FGF14: variants seen among roughly 807,000 people sequenced by gnomAD.
The protein encoded by FGF14 is fibroblast growth factor 14, also known as fibroblast growth factor homologous factor 4.
FGF14 carries 5 observed loss-of-function variants against 25.5 expected under a neutral mutation model. That is an observed-to-expected ratio of 0.20 (90% CI 0.10 to 0.41). The LOEUF is 0.41. Among genes scored for constraint, FGF14 ranks in the 10% least tolerant of loss-of-function variants. The pLI is 1.00. For synonymous variants in FGF14, 138 were observed against 118.3 expected, an observed-to-expected ratio of 1.17 and a Z score of -1.08; for missense variants, 222 against 320.1, an observed-to-expected ratio of 0.69 and a Z score of 2.34.
chr13:101,900,336 G>T (rs147841497), intron 1 of FGF14, among the ~76,000 whole-genome samples: 1 of 151,696 alleles, frequency 6.6e-6, no homozygotes, highest in Non-Finnish European at 1.5e-5. Flanking sequence ...AAATTAAGAA[G>T]AAATTTTAAT....
intron 1 of FGF14, among the ~76,000 whole-genome samples, chr13:101,899,824 G>A (rs1401738065): frequency 1.3e-5 from 2 of 152,004 alleles, no homozygotes. Context: ...GATATTTAAT[G>A]CAGTTTGCTT....
intron 1 of FGF14, among the ~76,000 whole-genome samples, chr13:102,306,678 A>T (rs1406766769): frequency 6.6e-6 from 1 of 152,202 alleles, no homozygotes; most frequent in African/African-American, 2.4e-5. Context: ...TCAAGGGCCC[A>T]TAAGGCCAAA....
chr13:101,751,443 T>G (rs751820437), intron 3 of FGF14, among the ~76,000 whole-genome samples: 9 of 152,144 alleles, frequency 5.9e-5, no homozygotes, highest in African/African-American at 2.2e-4. Context: ...GAGGCAGAAC[T>G]GTCGTAGGTG....
chr13:102,148,097 T>C (rs1194978933), intron 1 of FGF14, among the ~76,000 whole-genome samples: 1 of 152,178 alleles, frequency 6.6e-6, no homozygotes, highest in Non-Finnish European at 1.5e-5. Context: ...AGAGATAATG[T>C]GTCAACGGTC....
intron 1 of FGF14, among the ~76,000 whole-genome samples, chr13:102,060,520 T>A (rs1442713920): frequency 1.3e-5 from 2 of 152,212 alleles, no homozygotes; most frequent in East Asian, 3.9e-4. Flanking sequence ...AGCGAGACTC[T>A]GTCTCAAAAA....
At chr13:102,277,170 A>G (rs1040015256) in intron 1 of FGF14, among the ~76,000 whole-genome samples, 3 of 152,232 alleles carry the variant, frequency 2.0e-5, no homozygotes, top group African/African-American at 7.2e-5. Flanking sequence ...GGTTGACGAA[A>G]ATTGTTTTTA....
chr13:102,129,366 TAATA>T (rs2046088878), intron 1 of FGF14, among the ~76,000 whole-genome samples: 1 of 152,224 alleles, frequency 6.6e-6, no homozygotes, highest in Non-Finnish European at 1.5e-5. Flanking sequence ...AGCAGTTCAT[TAATA>T]AATTTGATGT....
intron 1 of FGF14, among the ~76,000 whole-genome samples, chr13:101,943,822 A>ATATATATATATATATATATATATAT (rs1266549387): frequency 4.1e-5 from 5 of 122,458 alleles, no homozygotes; most frequent in African/African-American, 2.4e-4. Context: ...TAAAAAAAAA[A>ATATATATATATATATATATATATAT]AAAAATATAT....
intron 3 of FGF14, among the ~76,000 whole-genome samples, chr13:101,814,572 C>T (rs1038578723): frequency 6.6e-6 from 1 of 152,194 alleles, no homozygotes; most frequent in Non-Finnish European, 1.5e-5. Context: ...TCTTTGTAGC[C>T]AATCCTCACT....
intron 1 of FGF14, among the ~76,000 whole-genome samples, chr13:102,043,821 A>G (rs901142486): frequency 3.8e-4 from 58 of 152,164 alleles, no homozygotes. Context: ...GATGGTCTCC[A>G]GCCCAAAGGC....
At chr13:102,056,349 C>T (rs868112047) in intron 1 of FGF14, among the ~76,000 whole-genome samples, 3 of 152,262 alleles carry the variant, frequency 2.0e-5, no homozygotes, top group Middle Eastern at 3.4e-3. Context: ...CCTTTGTTTT[C>T]AAAGCAAAGG....
At chr13:101,962,593 G>T (rs12427431) in intron 1 of FGF14, among the ~76,000 whole-genome samples, 16,100 of 152,020 alleles carry the variant, frequency 0.11, 972 homozygotes, top group Admixed American at 0.2. Flanking sequence ...TTGTCATAAA[G>T]CCATTTAGGA....
At chr13:102,249,870 T>A (rs1473584926) in intron 1 of FGF14, among the ~76,000 whole-genome samples, 1 of 152,148 alleles carries the variant, frequency 6.6e-6, no homozygotes, top group Admixed American at 6.6e-5. Context: ...CTCCTCCTCA[T>A]GAGAAATCTC....
chr13:102,133,006 C>T (rs777390270), intron 1 of FGF14, among the ~76,000 whole-genome samples: 1 of 152,172 alleles, frequency 6.6e-6, no homozygotes, highest in Non-Finnish European at 1.5e-5. Flanking sequence ...AGCTTTAGAA[C>T]ATCTGCTATC....
intron 1 of FGF14, among the ~76,000 whole-genome samples, chr13:102,299,087 T>G (rs555388481): frequency 3.9e-5 from 6 of 152,144 alleles, no homozygotes; most frequent in Non-Finnish European, 5.9e-5. Flanking sequence ...TTTTTCTACA[T>G]TGGTAGAAAA....
chr13:102,362,527 T>C (rs950093683), intron 1 of FGF14, among the ~76,000 whole-genome samples: 1 of 152,194 alleles, frequency 6.6e-6, no homozygotes, highest in African/African-American at 2.4e-5. Flanking sequence ...ACTTTACTCA[T>C]TATAATATCT....
chr13:101,922,800 G>A (rs1411176551), intron 1 of FGF14, among the ~76,000 whole-genome samples: 7 of 149,206 alleles, frequency 4.7e-5, no homozygotes, highest in African/African-American at 1.7e-4. Flanking sequence ...GATAAGTTTC[G>A]ATACAGTTTA....
At chr13:101,830,261 A>G (rs1163610369) in intron 3 of FGF14, among the ~76,000 whole-genome samples, 1 of 152,034 alleles carries the variant, frequency 6.6e-6, no homozygotes, top group Non-Finnish European at 1.5e-5. Context: ...AGGCTCTTAC[A>G]GTTATCCTGG....
chr13:102,352,289 A>ACACACACACACC (rs1382561558), intron 1 of FGF14, among the ~76,000 whole-genome samples: 1 of 137,654 alleles, frequency 7.3e-6, no homozygotes, highest in African/African-American at 2.7e-5. Flanking sequence ...ACACACACAC[A>ACACACACACACC]CCTGCAACAT....
Sources: allele counts gnomAD v4.1 joint callset (sites outside exome capture counted in the v4.1 genomes callset), GRCh38; gene constraint gnomAD v4.1.1; transcripts MANE v1.5; gene names NCBI Gene and HGNC (gene_info 2026-07-23, HGNC 2026-07-21).